Variants in ABCA2 observed in about 807,000 individuals in gnomAD.
ABCA2 encodes the protein ATP binding cassette subfamily A member 2, also known as ATP-binding cassette sub-family A member 2.
Under a neutral mutation model 262.8 loss-of-function variants are expected in ABCA2, and 84 were observed. The ratio of observed to expected loss-of-function variants is 0.32; its 90% confidence interval spans 0.27 to 0.38. The LOEUF (loss-of-function observed/expected upper bound fraction) is 0.38, where lower values mean the gene tolerates loss of function less well. Among genes scored for constraint, ABCA2 ranks in the 10% least tolerant of loss-of-function variants. The probability of loss-of-function intolerance (pLI) is 1.00; values close to 1 mark genes in which losing one functional copy is unlikely to be tolerated. For synonymous variants in ABCA2, 1,696 were observed against 1,502.9 expected (o/e 1.13, Z -2.97); for missense variants, 2,662 against 3,405.9 (o/e 0.78, Z 5.44).
At position 137,020,827 on chromosome 9, in the gene ABCA2, C is replaced by T; in HGVS notation, c.1132G>A (p.Gly378Ser). The T allele has an allele frequency of 6.4e-7, 1 of 1,554,756 alleles. No homozygotes were observed. The highest frequency in any genetic ancestry group is 2.4e-5 in the East Asian group (1 of 41,850). Residue 378 changes from glycine (G) to serine (S), a missense_variant, in exon 9 of 49, where the codon GGC (glycine) becomes AGC (serine). By Grantham distance (56) the Gly-to-Ser change is moderately conservative (BLOSUM62 0). Around this residue, in one of 12 missense-constraint regions of ABCA2, gnomAD observed 403 missense variants for 375.9 expected, o/e 1.07. Coordinates refer to ENST00000341511, the MANE Select transcript of ABCA2 (RefSeq NM_001606.5). ...CCCTCCTCAGCGGTGGCGTTGGGGC[C>T]CATGACTGCCCCTGCCCCAGTGCCA... Reference protein sequence around the residue: ...ANGTGAGAVMGPNATAEEGAP... With the variant: ...ANGTGAGAVMSPNATAEEGAP...
At chr9:137,013,648 A>G in intron 28 of ABCA2, 85 bp from the exon 29 acceptor site, 1 of 1,423,796 alleles carries the variant, frequency 7.0e-7, no homozygotes, top group South Asian at 1.2e-5. Flanking sequence ...CCCAACCCCA[A>G]GGGATCCACG....
At chr9:137,027,926 CG>C in intron 1 of ABCA2, 148 bp downstream of exon 1, 1 of 215,994 alleles carries the variant, frequency 4.6e-6, no homozygotes, top group Non-Finnish European at 7.8e-6. Context: ...GGGCAGGGCC[CG>C]GCGGGGAGGG....
At chr9:137,013,438 G>A in intron 29 of ABCA2, 23 bp downstream of exon 29, 1 of 1,587,128 alleles carries the variant, frequency 6.3e-7, no homozygotes, top group South Asian at 1.1e-5. Flanking sequence ...ACCCACCAAG[G>A]CTGCCCCCGC....
Position 137,010,623 on chromosome 9 carries a change from G to A in ABCA2, c.6171C>T (p.Thr2057=). ...DNDMVKIENL[T]KVYKSRKIGR... is the part of the protein sequence containing the mutation. Reference sequence around the variant, plus strand: ...ACCCTACATGCCCAGAGCCCACCTTGGTCAGGTTCTCAATCTTGACCATGT... The same window carrying A: ...ACCCTACATGCCCAGAGCCCACCTTAGTCAGGTTCTCAATCTTGACCATGT... The change falls in exon 40 of 49, where the codon ACC becomes ACT. Residue 2057 remains threonine, a synonymous_variant. Transcript: ENST00000341511. The A allele has an allele frequency of 8.9e-7, 1 of 1,117,990 alleles. No individual in the cohort carries two copies. The highest frequency in any genetic ancestry group is 1.3e-6 in the Non-Finnish European group (1 of 753,384). 69.3% of individuals were successfully genotyped at this position (1,117,990 alleles called of 1,614,324 possible). A position where few individuals can be genotyped will look rare whatever the true frequency, so the allele number is the denominator to read the frequency against.
chr9:137,028,111 C>T lies in ABCA2; in HGVS notation c.30G>A (p.Leu10=). Reference sequence around the variant, plus strand: ...GTTTGAGCGTCACGTTCTTCCAGAGCAGCAGCTGCAGCTGGTGCAGGAAGC... The same window carrying T: ...GTTTGAGCGTCACGTTCTTCCAGAGTAGCAGCTGCAGCTGGTGCAGGAAGC... MGFLHQLQL[L]LWKNVTLKRR... is the part of the protein sequence containing the mutation. The change falls in exon 1 of 49, where the codon CTG becomes CTA. Residue 10 remains leucine (L), a synonymous_variant. Coordinates refer to ENST00000341511, the MANE Select transcript of ABCA2 (RefSeq NM_001606.5). This position sits in a 1 kb window ranked among gnomAD's most constrained non-coding sequence, Gnocchi z 6.9. 5 of 987,532 alleles carry T rather than the reference C, an allele frequency of 5.1e-6. No homozygotes were observed. Among genetic ancestry groups the T allele is most frequent in the Non-Finnish European group, 6.0e-6 (5 of 831,382 alleles). The allele number at this position is 987,532 out of a possible 1,614,324, so 61.2% of individuals were successfully genotyped here. A position where few individuals can be genotyped will look rare whatever the true frequency, so the allele number is the denominator to read the frequency against.
chr9:137,020,089 G>C (rs949879880), intron 10 of ABCA2: 1 of 556,220 alleles, frequency 1.8e-6, no homozygotes, highest in Admixed American at 3.1e-5. Context: ...CCCTGGACCG[G>C]CCACCCCCAG....
Position 137,017,887 on chromosome 9 carries a change from A to C in ABCA2, c.2111T>G (p.Ile704Ser), listed in dbSNP as rs1327476240. ...CATGCACAGCGGCATCATGTGCTCA[A>C]TGACAAACAGGAAGCTGCGGGGAGG... is the stretch of plus-strand genomic sequence containing the variant. ...CYTRDDFLFV[I>S]EHMMPLCMVI... is the part of the protein sequence containing the mutation. Residue 704 changes from isoleucine to serine, a missense_variant, in exon 16 of 49, where the codon ATT (isoleucine) becomes AGT (serine). Around this residue, in one of 12 missense-constraint regions of ABCA2, gnomAD observed 188 missense variants for 343.4 expected, o/e 0.55. Coordinates refer to ENST00000341511, the MANE Select transcript of ABCA2 (RefSeq NM_001606.5). The C allele has an allele frequency of 3.1e-6, 5 of 1,612,482 alleles. No individual in the cohort carries two copies. Among genetic ancestry groups the C allele is most frequent in the Non-Finnish European group, 8.5e-7 (1 of 1,179,854 alleles).
intron 29 of ABCA2, 32 bp from the exon 30 acceptor site, chr9:137,013,350 C>T (rs1831137151): frequency 3.9e-6 from 6 of 1,527,526 alleles, no homozygotes; most frequent in African/African-American, 1.4e-5. Flanking sequence ...GGTGGGGCTG[C>T]CAGTCTCCGC....
Position 137,022,468 on chromosome 9 carries a change from G to C in ABCA2, c.450C>G (p.Phe150Leu). The change falls in exon 6 of 49, where the codon TTC (phenylalanine) becomes TTG (leucine). Residue 150 changes from phenylalanine to leucine, a missense_variant. Around this residue, in one of 12 missense-constraint regions of ABCA2, gnomAD observed 403 missense variants for 375.9 expected, o/e 1.07. Coordinates refer to ENST00000341511, the MANE Select transcript of ABCA2 (RefSeq NM_001606.5). ...SHLDRSTVSS[F>L]SLDSVARNPQ... Reference sequence around the variant, plus strand: ...GGTTTCTGGCCACCGAGTCCAGAGAGAAGGAAGACACTGGACAGGCAGGAA... The same window carrying C: ...GGTTTCTGGCCACCGAGTCCAGAGACAAGGAAGACACTGGACAGGCAGGAA... The C allele has an allele frequency of 6.2e-7, 1 of 1,611,770 alleles. No homozygotes were observed. Among genetic ancestry groups the C allele is most frequent in the South Asian group, 1.1e-5 (1 of 90,758 alleles).
chr9:137,016,404 G>C lies in ABCA2; in HGVS notation c.2991C>G (p.Thr997=). 1 of 1,612,880 alleles carries C rather than the reference G, an allele frequency of 6.2e-7. No homozygotes were observed. Among genetic ancestry groups the C allele is most frequent in the Non-Finnish European group, 8.5e-7 (1 of 1,179,968 alleles). Residue 997 remains threonine, a synonymous_variant, in exon 21 of 49, where the codon ACC becomes ACG. Coordinates refer to ENST00000341511, the MANE Select transcript of ABCA2 (RefSeq NM_001606.5). ...LPLVVCVDKL[T]KVYKDDKKLA... Reference sequence around the variant, plus strand: ...GCTTCTTGTCGTCCTTGTAGACCTTGGTGAGTTTGTCCACGCAGACAACCA... The same window carrying C: ...GCTTCTTGTCGTCCTTGTAGACCTTCGTGAGTTTGTCCACGCAGACAACCA...
chr9:137,023,152 T>G, intron 3 of ABCA2, 100 bp from the exon 4 acceptor site: 3 of 955,208 alleles, frequency 3.1e-6, no homozygotes, highest in Non-Finnish European at 4.8e-6. Flanking sequence ...AGGAGAAATT[T>G]AGAGAAAGTC....
chr9:137,014,220 G>A lies in ABCA2; in HGVS notation c.4188C>T (p.Asp1396=). 1 of 1,609,952 alleles carries A rather than the reference G, an allele frequency of 6.2e-7. No homozygotes were observed. The part of the protein sequence containing the change: ...EGAGYTDVYG[D]YRPLFDNPQD... ...GTGGGTTATCAAAGAGGGGGCGGTA[G>A]TCGCCATAGACGTCGGTGTAGCCAG... The change falls in exon 27 of 49, where the codon GAC becomes GAT. Residue 1396 remains aspartate (D), a synonymous_variant. Coordinates refer to ENST00000341511, the MANE Select transcript of ABCA2 (RefSeq NM_001606.5).
Position 137,017,285 on chromosome 9 carries a change from A to C in ABCA2, c.2464T>G (p.Tyr822Asp). ...KLASACGGII[Y>D]FLSYVPYMYV... is the part of the protein sequence containing the mutation. ...ATGTAGGGCACGTAGCTCAGGAAGT[A>C]GATGATGCCACCGCAGGCCGAGGCC... Residue 822 changes from tyrosine to aspartate, a missense_variant, in exon 18 of 49, where the codon TAC becomes GAC. Physicochemically the swap from Tyr to Asp is radical, Grantham distance 160. Coordinates refer to ENST00000341511, the MANE Select transcript of ABCA2 (RefSeq NM_001606.5). The C allele has an allele frequency of 6.2e-7, 1 of 1,612,638 alleles. No homozygotes were observed. Among genetic ancestry groups the C allele is most frequent in the Non-Finnish European group, 8.5e-7 (1 of 1,179,884 alleles).
chr9:137,024,034 C>A, intron 2 of ABCA2, 109 bp downstream of exon 2: 7 of 1,514,512 alleles, frequency 4.6e-6, no homozygotes, highest in Non-Finnish European at 6.2e-6. Flanking sequence ...GGCACCGCAC[C>A]TCAGGGACTC....
chr9:137,015,916 C>G, intron 22 of ABCA2, 45 bp from the exon 23 acceptor site: 1 of 1,605,126 alleles, frequency 6.2e-7, no homozygotes, highest in African/African-American at 1.3e-5. Flanking sequence ...ATGCAGAGCC[C>G]CAGGGCCTCC....
chr9:137,025,570 C>A (rs1248428301), intron 1 of ABCA2, among the ~76,000 whole-genome samples: 3 of 152,234 alleles, frequency 2.0e-5, no homozygotes. Context: ...CTGTGGGTGT[C>A]CCATGCCCGC....
rs769522466 is a variant in ABCA2 at position 137,009,552 on chromosome 9, C to A, written c.6723G>T (p.Leu2241=). ...GGGGGCGCCCTCACCTGTGTGATGT[C>A]AGCACCACTGAACGCCCTGTCTTGA... ...DLIKTGRSVV[L]TSHSMEECEA... is the part of the protein sequence containing the mutation. The change falls in exon 44 of 49, where the codon CTG becomes CTT. Residue 2241 remains leucine (L), a synonymous_variant. Coordinates refer to ENST00000341511, the MANE Select transcript of ABCA2 (RefSeq NM_001606.5). 1 of 1,612,796 alleles carries A rather than the reference C, an allele frequency of 6.2e-7. No individual in the cohort carries two copies. Among genetic ancestry groups the A allele is most frequent in the African/African-American group, 1.3e-5 (1 of 75,058 alleles).
chr9:137,023,642 G>T, intron 3 of ABCA2, 196 bp downstream of exon 3: 1 of 689,612 alleles, frequency 1.5e-6, no homozygotes. Flanking sequence ...GCCTTTAGGT[G>T]GCCGGGCCTT....
At chr9:137,024,028 C>A in intron 2 of ABCA2, 115 bp downstream of exon 2, 1 of 1,515,592 alleles carries the variant, frequency 6.6e-7, no homozygotes, top group Non-Finnish European at 8.9e-7. Flanking sequence ...GGAGCAGGCA[C>A]CGCACCTCAG....
Sources: gnomAD v4.1 joint callset for allele counts (sites outside exome capture counted in the v4.1 genomes callset) on GRCh38, gnomAD v4.1.1 for gene constraint, gnomAD v4.1.1 regional missense constraint, Gnocchi (gnomAD v3.1) non-coding constraint, MANE v1.5 for transcripts, NCBI Gene and HGNC (gene_info 2026-07-23, HGNC 2026-07-21) for gene names.